FLT4: variants seen among roughly 807,000 people sequenced by gnomAD.
The protein encoded by FLT4 is fms related receptor tyrosine kinase 4, also known as vascular endothelial growth factor receptor 3.
A neutral mutation model predicts 163.2 loss-of-function variants in FLT4; 30 were observed. The observed-to-expected ratio is 0.18, with a 90% CI of 0.14 to 0.25. FLT4 has a LOEUF of 0.25. FLT4 is among the 10% of genes least tolerant of loss of function. The pLI is 1.00. For synonymous variants in FLT4, 884 were observed against 789.5 expected, an observed-to-expected ratio of 1.12 and a Z score of -2.01; for missense variants, 1,510 against 1,863.8, an observed-to-expected ratio of 0.81 and a Z score of 3.50.
rs753884372 is a variant in FLT4 at position 180,611,413 on chromosome 5, C to T, written c.3604G>A (p.Val1202Met). 2 of 1,614,044 alleles carry T rather than the reference C, an allele frequency of 1.2e-6. No individual in the cohort carries two copies. The highest frequency in any genetic ancestry group is 2.2e-5 in the East Asian group (1 of 44,870). Residue 1202 changes from valine (V) to methionine (M), a missense_variant, in exon 27 of 30, where the codon GTG becomes ATG. Val to Met is a conservative substitution (Grantham distance 21, BLOSUM62 1). Transcript: ENST00000261937. ...QSSEEGSFSQ[V>M]STMALHIAQA... ...GCGATGTGTAGGGCCATGGTGGACA[C>T]CTGCGAGAAGCTGCCCTCTTCTGAG... is the stretch of plus-strand genomic sequence containing the variant.
chr5:180,629,610 C>A (rs1243124109), intron 6 of FLT4, 86 bp downstream of exon 6: 4 of 1,524,778 alleles, frequency 2.6e-6, no homozygotes, highest in Non-Finnish European at 3.6e-6. Context: ...TGGGCCCACA[C>A]ATCCTCCACG....
At position 180,625,888 on chromosome 5, in the gene FLT4, T is replaced by C; in HGVS notation, c.1402A>G (p.Met468Val). The part of the protein sequence containing the change: ...WHWRPWTPCK[M>V]FAQRSLRRRQ... ...ACTCACAGACTACGCTGGGCAAACA[T>C]CTTGCAGGGTGTCCAGGGCCGCCAG... Residue 468 changes from methionine to valine, a missense_variant, in exon 10 of 30, where the codon ATG becomes GTG. This residue lies in a region of FLT4 where 878 missense variants were observed against 1,016.7 expected (regional missense o/e 0.86). Coordinates refer to ENST00000261937, the MANE Select transcript of FLT4 (RefSeq NM_182925.5). 6.2e-7 allele frequency: 1 copy of C among 1,611,910 alleles called. No homozygotes were observed. Among genetic ancestry groups the C allele is most frequent in the South Asian group, 1.1e-5 (1 of 91,040 alleles).
intron 29 of FLT4, among the ~76,000 whole-genome samples, chr5:180,606,918 AACAAAC>A: frequency 1.4e-5 from 2 of 146,042 alleles, no homozygotes; most frequent in African/African-American, 5.2e-5. Context: ...AAAAAAAACA[AACAAAC>A]AAACTTAGCT....
intron 29 of FLT4, among the ~76,000 whole-genome samples, chr5:180,604,387 C>G (rs1177183224): frequency 1.3e-5 from 2 of 152,238 alleles, no homozygotes; most frequent in Non-Finnish European, 2.9e-5. Context: ...CAGGACACAT[C>G]CGTGCATCTC....
In FLT4 at chr5:180,626,118, C is replaced by T. The variant is rs1438432336; in HGVS notation, c.1251G>A (p.Val417=). 6.2e-7 allele frequency: 1 copy of T among 1,612,860 alleles called. No homozygotes were observed. Among genetic ancestry groups the T allele is most frequent in the Admixed American group, 1.7e-5 (1 of 60,032 alleles). Residue 417 remains valine, a synonymous_variant, in exon 9 of 30, where the codon GTG becomes GTA. Transcript: ENST00000261937. The part of the protein sequence containing the change: ...GLRRNISLEL[V]VNVPPQIHEK... ...CTCCCGTCCCTGACCTACCATTCAC[C>T]ACCAGCTCCAGGCTGATGTTGCGCC...
chr5:180,629,186 G>T, intron 7 of FLT4, 73 bp downstream of exon 7: 3 of 1,578,516 alleles, frequency 1.9e-6, no homozygotes, highest in South Asian at 1.1e-5. Context: ...CTGGACTCCT[G>T]AGTGCTCAAG....
At chr5:180,627,938 G>A (rs377024928) in intron 8 of FLT4, among the ~76,000 whole-genome samples, 6 of 152,148 alleles carry the variant, frequency 3.9e-5, no homozygotes, top group African/African-American at 1.2e-4. Flanking sequence ...GGTCACACTG[G>A]GCTCAGGGCC....
At chr5:180,616,708 T>A (rs1762721477) in intron 22 of FLT4, among the ~76,000 whole-genome samples, 192 bp downstream of exon 22, 2 of 152,200 alleles carry the variant, frequency 1.3e-5, no homozygotes, top group Admixed American at 1.3e-4. Context: ...TCAAACAGAC[T>A]CTGCTGCTGA....
chr5:180,641,447 G>A lies in FLT4; in HGVS notation c.58+8041C>T, dbSNP rs750060976. On this transcript the variant is annotated intron_variant, in intron 1 of 29. Coordinates refer to ENST00000261937, the MANE Select transcript of FLT4 (RefSeq NM_182925.5). ...TGCTTGGGAAGACGGGGACTGTGTG[G>A]CAGGCCTGCCAGCTGGACACACACT... 1.1e-4 allele frequency among the ~76,000 whole-genome samples: 16 copies of A among 152,352 alleles called. 1 individual carries two copies. The Middle Eastern group carries it at 0.01, about 97-fold the overall frequency.
chr5:180,615,578 C>A (rs111804217), intron 23 of FLT4, among the ~76,000 whole-genome samples: 1 of 9,784 alleles, frequency 1.0e-4, no homozygotes, highest in Non-Finnish European at 2.9e-4. Flanking sequence ...CACTTCCTTT[C>A]GGAGCACTGG....
intron 8 of FLT4, among the ~76,000 whole-genome samples, chr5:180,627,758 C>T (rs1763749077): frequency 6.6e-6 from 1 of 152,146 alleles, no homozygotes. Flanking sequence ...CCAGAGCAGG[C>T]TCAGTAATGG....
intron 13 of FLT4, 112 bp from the exon 14 acceptor site, chr5:180,621,364 G>A (rs1183343763): frequency 1.3e-5 from 19 of 1,437,498 alleles, no homozygotes; most frequent in Non-Finnish European, 1.8e-5. Flanking sequence ...CTTAGGGGTT[G>A]TGCGCCGGGC....
At chr5:180,619,894 G>T in intron 17 of FLT4, 125 bp from the exon 18 acceptor site, 1 of 740,214 alleles carries the variant, frequency 1.4e-6, no homozygotes, top group Non-Finnish European at 2.3e-6. Flanking sequence ...AGCGTGGGGA[G>T]CCACAGCGGG....
intron 1 of FLT4, 23 bp from the exon 2 acceptor site, chr5:180,631,801 C>A: frequency 6.5e-7 from 1 of 1,549,376 alleles, no homozygotes. Flanking sequence ...ACAGGGTCAG[C>A]GTGGTGCTGG....
chr5:180,647,948 G>A (rs1375066847), intron 1 of FLT4, among the ~76,000 whole-genome samples: 3 of 152,136 alleles, frequency 2.0e-5, no homozygotes, highest in Non-Finnish European at 2.9e-5. Flanking sequence ...CCTGCAGAAT[G>A]TTCCCTGGAT....
chr5:180,621,308 T>A, intron 13 of FLT4, 56 bp from the exon 14 acceptor site: 3 of 1,573,012 alleles, frequency 1.9e-6, no homozygotes, highest in Non-Finnish European at 2.6e-6. Context: ...AGGAGGACCC[T>A]CTTTGGGCTG....
intron 23 of FLT4, among the ~76,000 whole-genome samples, chr5:180,614,513 C>T (rs893676814): frequency 2.8e-4 from 42 of 152,198 alleles, no homozygotes; most frequent in Admixed American, 1.1e-3. Flanking sequence ...CCTGATGAAA[C>T]GCACCCCTGC....
In FLT4 at chr5:180,621,231, G is replaced by A. The variant is rs201884197; in HGVS notation, c.2042C>T (p.Thr681Met). 4.3e-6 allele frequency: 7 copies of A among 1,612,624 alleles called. No homozygotes were observed. The highest frequency in any genetic ancestry group is 5.9e-6 in the Non-Finnish European group (7 of 1,179,818). ...SVQALEAPRL[T>M]QNLTDLLVNV... ...CACCAGGAGGTCGGTCAAGTTCTGC[G>A]TGAGCCGAGGGGCTTCCAGGGCTGG... The change falls in exon 14 of 30, where the codon ACG (threonine) becomes ATG (methionine). Residue 681 changes from threonine to methionine, a missense_variant. This residue lies in a region of FLT4 where 878 missense variants were observed against 1,016.7 expected (regional missense o/e 0.86). Coordinates refer to ENST00000261937, the MANE Select transcript of FLT4 (RefSeq NM_182925.5).
chr5:180,615,409 A>C (rs1762587502), intron 23 of FLT4, among the ~76,000 whole-genome samples: 1 of 118,828 alleles, frequency 8.4e-6, no homozygotes, highest in Admixed American at 9.0e-5. Context: ...CCCGCTGGTC[A>C]CCTCCCTTCT....
Sources: gnomAD v4.1 joint callset for allele counts (sites outside exome capture counted in the v4.1 genomes callset) on GRCh38, gnomAD v4.1.1 for gene constraint, gnomAD v4.1.1 regional missense constraint, MANE v1.5 for transcripts, NCBI Gene and HGNC (gene_info 2026-07-23, HGNC 2026-07-21) for gene names.